Variants in DMKN observed in about 807,000 individuals in gnomAD.
DMKN encodes dermokine, also known as epidermis-specific secreted protein SK30/SK89.
A neutral mutation model predicts 67.6 loss-of-function variants in DMKN; 58 were observed. That is an observed-to-expected ratio of 0.86 (90% CI 0.69 to 1.07). DMKN has a LOEUF of 1.07. Ranked by LOEUF, DMKN falls within the 50% of genes least tolerant of loss-of-function variation. The pLI, the probability that DMKN is intolerant of heterozygous loss-of-function variation, is 0.00. For missense variants in DMKN, 596 were observed against 601.5 expected, an observed-to-expected ratio of 0.99 and a Z score of 0.10; for synonymous variants, 240 against 232.3, an observed-to-expected ratio of 1.03 and a Z score of -0.30.
intron 11 of DMKN, chr19:35,501,702 G>A (rs2068393424): frequency 3.8e-6 from 4 of 1,048,690 alleles, no homozygotes; most frequent in Non-Finnish European, 5.3e-6. Context: ...CACTAGACAG[G>A]GACCTGACCC....
Position 35,508,489 on chromosome 19 carries a change from A to G in DMKN, c.1038+1422T>C, listed in dbSNP as rs117763174. ...CATACTCTAAAGCTACCATAAATAA[A>G]GCAGTCCTGTCCGACAGAATTCCCA... On this transcript the variant is annotated intron_variant, in intron 7 of 15. Coordinates refer to ENST00000339686, the MANE Select transcript of DMKN (RefSeq NM_033317.5). 2.5e-3 allele frequency: 999 copies of G among 395,730 alleles called. 4 individuals are homozygous for G. The highest frequency in any genetic ancestry group is 3.6e-3 in the Non-Finnish European group (801 of 219,752). The allele number at this position is 395,730 out of a possible 1,614,324, so 24.5% of individuals were successfully genotyped here.
intron 7 of DMKN, chr19:35,506,192 G>A: frequency 6.7e-7 from 1 of 1,501,632 alleles, no homozygotes; most frequent in Non-Finnish European, 8.8e-7. Context: ...GCCCCTGGGT[G>A]GGGAAAAGGG....
intron 10 of DMKN, among the ~76,000 whole-genome samples, chr19:35,502,494 T>C (rs2068582002): frequency 6.6e-6 from 1 of 151,376 alleles, no homozygotes; most frequent in Admixed American, 6.6e-5. Flanking sequence ...GGTCAGGAGA[T>C]TGAGACTATC....
intron 9 of DMKN, chr19:35,503,341 G>A: frequency 6.5e-7 from 1 of 1,544,650 alleles, no homozygotes; most frequent in Non-Finnish European, 8.7e-7. Context: ...GGCAAGGGCT[G>A]AGATTAGTGA....
rs2070567079 is a variant in DMKN at position 35,510,517 on chromosome 19, A to G, written c.919-265T>C. The G allele has an allele frequency of 3.2e-6, 5 of 1,544,468 alleles. No individual in the cohort carries two copies. In the East Asian group the frequency reaches 1.2e-4, roughly 38 times the overall value. ...TGCCCACCGCAGGCCGGGGGTGGGA[A>G]CCCCTGGAGCCCGGCCGCGCAGTAG... On this transcript the variant is annotated intron_variant, in intron 5 of 15. Coordinates refer to ENST00000339686, the MANE Select transcript of DMKN (RefSeq NM_033317.5).
chr19:35,511,818 C>T lies in DMKN; in HGVS notation c.685-5G>A, dbSNP rs773412018. On this transcript the variant is annotated splice_polypyrimidine_tract_variant and splice_region_variant and intron_variant, in intron 3 of 15. Coordinates refer to ENST00000339686, the MANE Select transcript of DMKN (RefSeq NM_033317.5). ...AGATGGTGGGGGATTCGTGCACTGT[C>T]GAGGGAAAGGGATGGTGAGTTTGGG... is the stretch of plus-strand genomic sequence containing the variant. The T allele has an allele frequency of 1.2e-5, 19 of 1,611,840 alleles. No homozygotes were observed. Among genetic ancestry groups the T allele is most frequent in the African/African-American group, 8.0e-5 (6 of 74,854 alleles).
chr19:35,498,352 A>C, intron 15 of DMKN: 1 of 225,626 alleles, frequency 4.4e-6, no homozygotes, highest in Non-Finnish European at 8.7e-6. Context: ...CCAGGCTGGA[A>C]TGGTTTGTTT....
rs1389559302 is a variant in DMKN, at chr19:35,503,779, A to T, written c.1135-893T>A. Among the ~76,000 whole-genome samples, 2 of 151,924 alleles carry T rather than the reference A, an allele frequency of 1.3e-5. 1 individual carries two copies. The highest frequency in any genetic ancestry group is 2.9e-5 in the Non-Finnish European group (2 of 67,922). On this transcript the variant is annotated intron_variant, in intron 9 of 15. Transcript: ENST00000339686. ...GCATGAGCCACCGCGCCTGGCCAGAAATAGGTTCTAAGAGAGAGCTTGAGA... is the reference window on the plus strand; with the variant it reads ...GCATGAGCCACCGCGCCTGGCCAGATATAGGTTCTAAGAGAGAGCTTGAGA...
At chr19:35,500,857 G>A (rs1054411027) in intron 11 of DMKN, among the ~76,000 whole-genome samples, 1 of 152,228 alleles carries the variant, frequency 6.6e-6, no homozygotes, top group African/African-American at 2.4e-5. Context: ...GAACAAGTGA[G>A]CTGCAGCCAT....
chr19:35,510,384 C>T, intron 5 of DMKN, 132 bp from the exon 6 acceptor site: 1 of 1,552,426 alleles, frequency 6.4e-7, no homozygotes, highest in Non-Finnish European at 8.7e-7. Flanking sequence ...CAGACCTTCC[C>T]CCTCTTTAGC....
intron 11 of DMKN, 150 bp from the exon 12 acceptor site, chr19:35,500,730 A>G: frequency 1.1e-6 from 1 of 875,532 alleles, no homozygotes; most frequent in South Asian, 1.8e-5. Flanking sequence ...TGGCCCAGAT[A>G]GATAGAAGAC....
Position 35,513,544 on chromosome 19 carries a change from T to G in DMKN, c.-69A>C. On this transcript the variant is annotated 5_prime_UTR_variant, in exon 1 of 16. Coordinates refer to ENST00000339686, the MANE Select transcript of DMKN (RefSeq NM_033317.5). The stretch of plus-strand genomic sequence containing the variant: ...AGGGTCTCCTCCTTGCCGCCCTTGC[T>G]CTGCGTCTCTGTGCCCTCCTCTGTC... The G allele has an allele frequency of 2.0e-6, 3 of 1,518,966 alleles. No homozygotes were observed. Among genetic ancestry groups the G allele is most frequent in the Non-Finnish European group, 2.6e-6 (3 of 1,143,140 alleles). The allele number at this position is 1,518,966 out of a possible 1,614,324, so 94.1% of individuals were successfully genotyped here.
In DMKN at chr19:35,511,474, GCTGCCGCCA is replaced by G. The variant is rs59309505; in HGVS notation, c.846_854del (p.Gly283_Ser285del). On this transcript the variant is annotated inframe_deletion, in exon 5 of 16. Coordinates refer to ENST00000339686, the MANE Select transcript of DMKN (RefSeq NM_033317.5). Reference sequence around the variant, plus strand: ...CACTGTTGCCACTGCTGCCACCACTGCTGCCGCCACTGCTGCCGCCACTGCTGCTGCCAC... The same window carrying G: ...CACTGTTGCCACTGCTGCCACCACTGCTGCTGCCGCCACTGCTGCTGCCAC... 6.4e-6 allele frequency: 6 copies of G among 934,742 alleles called. No homozygotes were observed. The highest frequency in any genetic ancestry group is 2.2e-5 in the African/African-American group (1 of 44,946). The allele number at this position is 934,742 out of a possible 1,614,324, so 57.9% of individuals were successfully genotyped here.
intron 9 of DMKN, among the ~76,000 whole-genome samples, 179 bp downstream of exon 9, chr19:35,505,539 C>T (rs1244024075): frequency 1.3e-5 from 2 of 152,194 alleles, no homozygotes; most frequent in Non-Finnish European, 2.9e-5. Flanking sequence ...TCCAGATTCT[C>T]CCCCTCTTTT....
chr19:35,508,292 C>T (rs983010792), intron 7 of DMKN: 16 of 1,546,370 alleles, frequency 1.0e-5, no homozygotes, highest in Non-Finnish European at 1.4e-5. Context: ...CCTGAGGCCA[C>T]CCCCGAAAAT....
At chr19:35,506,384 G>A in intron 7 of DMKN, 1 of 634,466 alleles carries the variant, frequency 1.6e-6, no homozygotes, top group Non-Finnish European at 2.8e-6. Context: ...TTGCTCCCAT[G>A]GAACCCCACC....
At chr19:35,511,345 C>A in intron 5 of DMKN, 66 bp downstream of exon 5, 2 of 1,595,298 alleles carry the variant, frequency 1.3e-6, no homozygotes, top group Non-Finnish European at 1.7e-6. Flanking sequence ...AACTTGGAGC[C>A]CTCTCCCGGC....
intron 9 of DMKN, chr19:35,503,561 C>T (rs948452403): frequency 6.0e-5 from 87 of 1,438,704 alleles, no homozygotes; most frequent in Non-Finnish European, 8.0e-5. Flanking sequence ...CCGCAACCTC[C>T]GCTTCCCAGG....
chr19:35,511,892 C>A (rs953137745), intron 3 of DMKN, 79 bp from the exon 4 acceptor site: 1 of 1,453,832 alleles, frequency 6.9e-7, no homozygotes, highest in Non-Finnish European at 9.2e-7. Context: ...CAGGCCAGGC[C>A]TCTCCCATTC....
Sources: gnomAD v4.1 joint callset for allele counts (sites outside exome capture counted in the v4.1 genomes callset) on GRCh38, gnomAD v4.1.1 for gene constraint, MANE v1.5 for transcripts, NCBI Gene and HGNC (gene_info 2026-07-23, HGNC 2026-07-21) for gene names.